BMPER: variants seen among roughly 807,000 people sequenced by gnomAD.
BMPER encodes the protein BMP-binding endothelial regulator protein.
Under a neutral mutation model 87.3 loss-of-function variants are expected in BMPER, and 45 were observed. The observed-to-expected ratio is 0.52, with a 90% CI of 0.41 to 0.66. The LOEUF is 0.66. BMPER is among the 30% of genes least tolerant of loss of function. The pLI, the probability that BMPER is intolerant of heterozygous loss-of-function variation, is 0.00. For synonymous variants in BMPER, 326 were observed against 316.2 expected, an observed-to-expected ratio of 1.03 and a Z score of -0.33; for missense variants, 784 against 867.5, an observed-to-expected ratio of 0.90 and a Z score of 1.21.
intron 4 of BMPER, among the ~76,000 whole-genome samples, chr7:33,967,195 T>C (rs976486225): frequency 1.3e-5 from 2 of 152,102 alleles, no homozygotes; most frequent in Non-Finnish European, 2.9e-5. Flanking sequence ...ACTCCTCCTT[T>C]AAAAAAACAA....
chr7:33,998,745 C>T (rs1786491333), intron 6 of BMPER, among the ~76,000 whole-genome samples: 1 of 152,210 alleles, frequency 6.6e-6, no homozygotes, highest in Admixed American at 6.5e-5. Context: ...TTTGTGCAGC[C>T]AAACAGTGTG....
chr7:34,016,280 G>C (rs184283274), intron 6 of BMPER, among the ~76,000 whole-genome samples: 1 of 152,056 alleles, frequency 6.6e-6, no homozygotes, highest in African/African-American at 2.4e-5. Flanking sequence ...CTAACTATAT[G>C]AAACAGTCTT....
intron 8 of BMPER, 61 bp downstream of exon 8, chr7:34,052,031 A>G: frequency 1.4e-6 from 2 of 1,397,294 alleles, no homozygotes; most frequent in South Asian, 1.2e-5. Flanking sequence ...CAGTGTTAAC[A>G]TCACAGCCAT....
chr7:34,040,120 G>T (rs1013596876), intron 6 of BMPER, among the ~76,000 whole-genome samples: 1 of 152,116 alleles, frequency 6.6e-6, no homozygotes, highest in African/African-American at 2.4e-5. Context: ...CTTCTGAGGA[G>T]GGAGTGCCAG....
intron 13 of BMPER, among the ~76,000 whole-genome samples, chr7:34,113,463 C>T (rs1032752035): frequency 1.7e-5 from 2 of 118,574 alleles, no homozygotes; most frequent in African/African-American, 6.1e-5. Flanking sequence ...GTTACTTTTA[C>T]AGTTTCATTT....
intron 2 of BMPER, among the ~76,000 whole-genome samples, chr7:33,916,253 T>C (rs2128603075): frequency 6.6e-6 from 1 of 152,322 alleles, no homozygotes; most frequent in East Asian, 1.9e-4. Context: ...CTCCTCTATT[T>C]TTTCTTTTCA....
chr7:33,935,130 A>G (rs761893419), intron 2 of BMPER, among the ~76,000 whole-genome samples: 1 of 152,208 alleles, frequency 6.6e-6, no homozygotes, highest in Admixed American at 6.5e-5. Context: ...AAAAAATTAT[A>G]AAAATAAATC....
chr7:33,930,157 C>T (rs769000867), intron 2 of BMPER, among the ~76,000 whole-genome samples: 5 of 152,092 alleles, frequency 3.3e-5, no homozygotes, highest in Non-Finnish European at 5.9e-5. Flanking sequence ...TCCCTTTCAG[C>T]TTCATGTTCT....
chr7:34,016,563 C>T (rs933478660), intron 6 of BMPER, among the ~76,000 whole-genome samples: 1 of 151,924 alleles, frequency 6.6e-6, no homozygotes, highest in African/African-American at 2.4e-5. Context: ...AAGATCACAC[C>T]TGCAACTTCT....
At chr7:34,071,579 T>C (rs538899716) in intron 11 of BMPER, among the ~76,000 whole-genome samples, 2 of 152,210 alleles carry the variant, frequency 1.3e-5, no homozygotes, top group East Asian at 1.9e-4. Context: ...GTTCTCTCAA[T>C]TGATAAATAA....
chr7:34,098,315 C>CA (rs1789585439), intron 13 of BMPER, among the ~76,000 whole-genome samples: 1 of 152,096 alleles, frequency 6.6e-6, no homozygotes, highest in African/African-American at 2.4e-5. Flanking sequence ...TCCCACCATG[C>CA]ACAGGAGGGA....
chr7:34,130,802 A>C (rs75569177), intron 13 of BMPER, among the ~76,000 whole-genome samples: 297 of 152,298 alleles, frequency 2.0e-3, no homozygotes, highest in African/African-American at 7.0e-3. Context: ...ACTCAGCTGC[A>C]TATTGAAGGA....
chr7:34,063,377 A>ATG (rs1554312720), intron 11 of BMPER, among the ~76,000 whole-genome samples: 30 of 120,596 alleles, frequency 2.5e-4, no homozygotes, highest in Admixed American at 1.7e-3. Flanking sequence ...CAGGGTCACT[A>ATG]TATGTGTGTG....
chr7:34,126,153 G>C (rs1287737606), intron 13 of BMPER, among the ~76,000 whole-genome samples: 1 of 152,222 alleles, frequency 6.6e-6, no homozygotes, highest in African/African-American at 2.4e-5. Flanking sequence ...GAATGTCTCA[G>C]CAGGTACTAT....
intron 5 of BMPER, among the ~76,000 whole-genome samples, chr7:33,970,882 C>T (rs370946184): frequency 2.7e-4 from 41 of 152,128 alleles, no homozygotes; most frequent in African/African-American, 9.7e-4. Flanking sequence ...ACAAGGTGGA[C>T]CCTCTTGTCT....
intron 2 of BMPER, among the ~76,000 whole-genome samples, chr7:33,936,772 TTTTCTTTTACCAAGCC>T: frequency 6.6e-6 from 1 of 152,226 alleles, no homozygotes; most frequent in Non-Finnish European, 1.5e-5. Flanking sequence ...GAATATTATT[TTTTCTTTTACCAAGCC>T]GATCCAATAT....
intron 3 of BMPER, among the ~76,000 whole-genome samples, chr7:33,946,461 G>A (rs1299349292): frequency 3.9e-5 from 6 of 152,184 alleles, no homozygotes; most frequent in Admixed American, 3.9e-4. Context: ...TTCAAAAAGG[G>A]CTGCTCTGCA....
chr7:34,115,813 T>C (rs1438311775), intron 13 of BMPER, among the ~76,000 whole-genome samples: 4 of 152,214 alleles, frequency 2.6e-5, no homozygotes, highest in African/African-American at 9.6e-5. Context: ...ATGTATTTGT[T>C]TGAATATCTG....
chr7:34,059,645 G>T (rs1216668946), intron 10 of BMPER, among the ~76,000 whole-genome samples: 20 of 151,080 alleles, frequency 1.3e-4, no homozygotes, highest in Admixed American at 9.9e-4. Context: ...CTTCTCGGGG[G>T]CCAGCAGGAG....
Sources: gnomAD v4.1 joint callset for allele counts (sites outside exome capture counted in the v4.1 genomes callset) on GRCh38, gnomAD v4.1.1 for gene constraint, MANE v1.5 for transcripts, NCBI Gene and HGNC (gene_info 2026-07-23, HGNC 2026-07-21) for gene names.